The following TNS2 variants were observed in gnomAD, a reference collection of about 807,000 sequenced individuals.
The protein encoded by TNS2 is tensin 2, also known as tensin-2.
A neutral mutation model predicts 155.7 loss-of-function variants in TNS2; 77 were observed. The ratio of observed to expected loss-of-function variants is 0.49; its 90% CI spans 0.41 to 0.60. TNS2 has a LOEUF of 0.60. Ranked by LOEUF, TNS2 falls within the 20% of genes least tolerant of loss-of-function variation. The probability of loss-of-function intolerance (pLI) is 0.00; values close to 1 mark genes in which losing one functional copy is unlikely to be tolerated. For synonymous variants in TNS2, 726 were observed against 763.9 expected, an observed-to-expected ratio of 0.95 and a Z score of 0.82; for missense variants, 1,703 against 1,868.8, an observed-to-expected ratio of 0.91 and a Z score of 1.64.
rs199647801 is a variant in TNS2 at position 53,062,190 on chromosome 12, C to A, written c.3612C>A (p.Ile1204=). 4.8e-5 allele frequency: 78 copies of A among 1,614,000 alleles called. No individual in the cohort carries two copies. Among genetic ancestry groups the A allele is most frequent in the Non-Finnish European group, 6.3e-5 (74 of 1,180,016 alleles). The change falls in exon 23 of 29, where the codon ATC becomes ATA. Residue 1204 remains isoleucine, a synonymous_variant. Transcript: ENST00000314250. ...PVEQLVRHFL[I]ETGPKGVKIK... Reference sequence around the variant, plus strand: ...AACAGCTGGTCCGCCATTTCCTCATCGAGACTGGGCCCAAAGGGGTGAAGA... The same window carrying A: ...AACAGCTGGTCCGCCATTTCCTCATAGAGACTGGGCCCAAAGGGGTGAAGA...
intron 3 of TNS2, 95 bp downstream of exon 3, chr12:53,052,587 A>C (rs1592242574): frequency 6.6e-7 from 1 of 1,510,050 alleles, no homozygotes; most frequent in Non-Finnish European, 9.2e-7. Context: ...TCAACCCTCC[A>C]CCTCCACCCC....
Position 53,062,199 on chromosome 12 carries a change from G to A in TNS2, c.3621G>A (p.Gly1207=), listed in dbSNP as rs150412504. The A allele has an allele frequency of 1.5e-4, 237 of 1,614,132 alleles. No individual in the cohort carries two copies. The African/African-American group carries it at 2.8e-3, about 19-fold the overall frequency. Residue 1207 remains glycine (G), a synonymous_variant, in exon 23 of 29, where the codon GGG becomes GGA. Coordinates refer to ENST00000314250, the MANE Select transcript of TNS2 (RefSeq NM_170754.4). ...TCCGCCATTTCCTCATCGAGACTGG[G>A]CCCAAAGGGGTGAAGATCAAGGGCT... ...QLVRHFLIET[G]PKGVKIKGCP...
Position 53,053,999 on chromosome 12 carries a change from G to C in TNS2, c.335G>C (p.Arg112Pro), listed in dbSNP as rs1944035722. 9 of 1,614,064 alleles carry C rather than the reference G, an allele frequency of 5.6e-6. No homozygotes were observed. Among genetic ancestry groups the C allele is most frequent in the African/African-American group, 1.3e-5 (1 of 74,942 alleles). ...AAATCTCTGAACCACTCAAAGCAGC[G>C]CAGCACTCTGCCCAGGTAAGTGAGG... ...STKSLNHSKQ[R>P]STLPRSFSLD... is the part of the protein sequence containing the mutation. The change falls in exon 6 of 29, where the codon CGC (arginine) becomes CCC (proline). Residue 112 changes from arginine (R) to proline (P), a missense_variant. Arg to Pro is a moderately radical substitution (Grantham distance 103). Coordinates refer to ENST00000314250, the MANE Select transcript of TNS2 (RefSeq NM_170754.4).
chr12:53,052,290 T>G, intron 2 of TNS2, 165 bp from the exon 3 acceptor site: 1 of 839,736 alleles, frequency 1.2e-6, no homozygotes, highest in South Asian at 1.6e-5. Context: ...TGCCACACTC[T>G]TCCCTCAAAA....
At chr12:53,055,313 A>G in intron 8 of TNS2, 77 bp downstream of exon 8, 11 of 1,499,748 alleles carry the variant, frequency 7.3e-6, no homozygotes, top group Non-Finnish European at 9.2e-6. Flanking sequence ...CTCGTTATTA[A>G]TAGTAGCAAT....
chr12:53,059,031 C>A lies in TNS2; in HGVS notation c.1406-16C>A. The A allele has an allele frequency of 1.3e-6, 2 of 1,537,764 alleles. No homozygotes were observed. Among genetic ancestry groups the A allele is most frequent in the Non-Finnish European group, 8.8e-7 (1 of 1,142,294 alleles). On this transcript the variant is annotated splice_polypyrimidine_tract_variant and intron_variant, in intron 17 of 28. Coordinates refer to ENST00000314250, the MANE Select transcript of TNS2 (RefSeq NM_170754.4). This position sits in a 1 kb window ranked among gnomAD's most constrained non-coding sequence, Gnocchi z 4.7. ...TCCCCGCTTGCCCTCCCTCCCTGAT[C>A]CTCTTCCCCACTCAGGCTCCTTGAC...
At position 53,058,629 on chromosome 12, in the gene TNS2, A is replaced by G; in HGVS notation, c.1283A>G (p.Lys428Arg). Residue 428 changes from lysine (K) to arginine (R), a missense_variant, in exon 16 of 29, where the codon AAG (lysine) becomes AGG (arginine). Transcript: ENST00000314250. ...TTTGTCTTCTCCTCCAGCCCCGAGA[A>G]GATCAAAGGTAAGAGCAGGGACATG... ...VEFVFSSSPEKIKGSTPRNDP... is the reference protein window; with the variant it reads ...VEFVFSSSPERIKGSTPRNDP... 6.2e-7 allele frequency: 1 copy of G among 1,614,020 alleles called. No homozygotes were observed. The highest frequency in any genetic ancestry group is 8.5e-7 in the Non-Finnish European group (1 of 1,179,980).
Position 53,058,363 on chromosome 12 carries a change from G to A in TNS2, c.1143G>A (p.Val381=). ...GCCGGGGCACAGACCGGACCCTCGTGTTCCGAGTCCAGTTCCACACCTGCA... is the reference window on the plus strand; with the variant it reads ...GCCGGGGCACAGACCGGACCCTCGTATTCCGAGTCCAGTTCCACACCTGCA... ...KGGRGTDRTL[V]FRVQFHTCTI... The change falls in exon 15 of 29, where the codon GTG becomes GTA. Residue 381 remains valine, a synonymous_variant. Transcript: ENST00000314250. 1 of 1,614,194 alleles carries A rather than the reference G, an allele frequency of 6.2e-7. No individual in the cohort carries two copies.
Position 53,059,706 on chromosome 12 carries a change from C to T in TNS2, c.2065C>T (p.Pro689Ser). The change falls in exon 18 of 29, where the codon CCA becomes TCA. Residue 689 changes from proline (P) to serine (S), a missense_variant. Physicochemically the swap from Pro to Ser is moderately conservative, Grantham distance 74. Transcript: ENST00000314250. This position sits in a 1 kb window ranked among gnomAD's most constrained non-coding sequence, Gnocchi z 4.7. The stretch of plus-strand genomic sequence containing the variant: ...GGACCCTGGGCTGCCTGCCCTATAC[C>T]CATGCCCAGCCTGCGAGGAGAAGCT... ...LEDPGLPALY[P>S]CPACEEKLAL... 2 of 1,613,106 alleles carry T rather than the reference C, an allele frequency of 1.2e-6. No homozygotes were observed. Among genetic ancestry groups the T allele is most frequent in the South Asian group, 1.1e-5 (1 of 91,088 alleles).
Position 53,051,877 on chromosome 12 carries a change from G to A in TNS2, c.98G>A (p.Ser33Asn), listed in dbSNP as rs1943945976. The A allele has an allele frequency of 6.2e-7, 1 of 1,613,460 alleles. No homozygotes were observed. The highest frequency in any genetic ancestry group is 8.5e-7 in the Non-Finnish European group (1 of 1,179,712). Reference protein sequence around the residue: ...ASRPRKAEPHSFREKVFRKKP... With the variant: ...ASRPRKAEPHNFREKVFRKKP... ...CAGCCTAGGAAAGCTGAGCCTCATA[G>A]CTTCCGGGAGAAGGTTTTCCGGAAG... The change falls in exon 2 of 29, where the codon AGC becomes AAC. Residue 33 changes from serine (S) to asparagine (N), a missense_variant. Physicochemically the swap from Ser to Asn is conservative, Grantham distance 46. Transcript: ENST00000314250.
intron 17 of TNS2, 48 bp downstream of exon 17, chr12:53,058,875 C>G (rs1015511595): frequency 1.9e-6 from 3 of 1,598,866 alleles, no homozygotes; most frequent in Admixed American, 3.3e-5. Context: ...GTGGCGGGAC[C>G]CTGGGGGGTG....
chr12:53,055,908 G>A, intron 10 of TNS2, 63 bp downstream of exon 10: 1 of 1,542,438 alleles, frequency 6.5e-7, no homozygotes, highest in Non-Finnish European at 8.8e-7. Context: ...TGGCCCCTTA[G>A]GAACCCATCT....
chr12:53,054,552 CAGAG>C, intron 7 of TNS2, 111 bp downstream of exon 7: 8 of 1,151,332 alleles, frequency 6.9e-6, no homozygotes, highest in Non-Finnish European at 9.2e-6. Context: ...GGGGCGGGAC[CAGAG>C]TGGTGGGGTG....
chr12:53,061,877 C>G lies in TNS2; in HGVS notation c.3511C>G (p.Gln1171Glu). The G allele has an allele frequency of 6.2e-7, 1 of 1,613,772 alleles. No homozygotes were observed. Among genetic ancestry groups the G allele is most frequent in the Non-Finnish European group, 8.5e-7 (1 of 1,179,996 alleles). ...AFLIRDSHSFQGAYGLALKVA... is the reference protein window; with the variant it reads ...AFLIRDSHSFEGAYGLALKVA... ...CCTGATCAGGGACAGTCATTCATTC[C>G]AAGGAGCTTATGGGCTGGCCCTCAA... Residue 1171 changes from glutamine to glutamate, a missense_variant, in exon 22 of 29, where the codon CAA (glutamine) becomes GAA (glutamate). Coordinates refer to ENST00000314250, the MANE Select transcript of TNS2 (RefSeq NM_170754.4).
chr12:53,049,859 G>T (rs1943860174), upstream of TNS2: 8 of 407,550 alleles, frequency 2.0e-5, no homozygotes, highest in South Asian at 1.5e-4. Flanking sequence ...AGAGTGTGGT[G>T]TCCCAGGTGT....
At chr12:53,062,750 T>C in intron 25 of TNS2, 53 bp downstream of exon 25, 1 of 1,594,362 alleles carries the variant, frequency 6.3e-7, no homozygotes, top group African/African-American at 1.3e-5. Flanking sequence ...AAGGGGGCAT[T>C]GTGGATACAG....
intron 7 of TNS2, among the ~76,000 whole-genome samples, 177 bp from the exon 8 acceptor site, chr12:53,055,009 C>G (rs1478060430): frequency 6.6e-6 from 1 of 152,052 alleles, no homozygotes. Context: ...GTCTCGAACT[C>G]CTGACCTCAG....
chr12:53,054,450 C>CG lies in TNS2; in HGVS notation c.522+13dup. The CG allele has an allele frequency of 6.3e-7, 1 of 1,589,644 alleles. No homozygotes were observed. Among genetic ancestry groups the CG allele is most frequent in the Non-Finnish European group, 8.5e-7 (1 of 1,171,024 alleles). On this transcript the variant is annotated intron_variant, in intron 7 of 28. Coordinates refer to ENST00000314250, the MANE Select transcript of TNS2 (RefSeq NM_170754.4). ...ACCGGGACAAGTACCTGGTGAGGGG[C>CG]GGGGCCATCAGGAGTCCGCCAATGA...
Position 53,061,382 on chromosome 12 carries a change from C to T in TNS2, c.3361C>T (p.Pro1121Ser), listed in dbSNP as rs1313220912. The T allele has an allele frequency of 6.2e-7, 1 of 1,614,060 alleles. No individual in the cohort carries two copies. The highest frequency in any genetic ancestry group is 8.5e-7 in the Non-Finnish European group (1 of 1,179,978). ...AACCTACTCCCTCCCTGTCCTAGAG[C>T]CTCCTACACAAGAGAGCCAAAGCAA... ...LSDNVPQTPE[P>S]PTQESQSNVK... Residue 1121 changes from proline (P) to serine (S), a missense_variant and splice_region_variant, in exon 21 of 29, where the codon CCT (proline) becomes TCT (serine). By Grantham distance (74) the Pro-to-Ser change is moderately conservative. Coordinates refer to ENST00000314250, the MANE Select transcript of TNS2 (RefSeq NM_170754.4).
Sources: gnomAD v4.1 joint callset for allele counts (sites outside exome capture counted in the v4.1 genomes callset) on GRCh38, gnomAD v4.1.1 for gene constraint, Gnocchi (gnomAD v3.1) non-coding constraint, MANE v1.5 for transcripts, NCBI Gene and HGNC (gene_info 2026-07-23, HGNC 2026-07-21) for gene names.